Variants in ELP2 observed in about 807,000 individuals in gnomAD.
The protein encoded by ELP2 is elongator acetyltransferase complex subunit 2.
A neutral mutation model predicts 119.2 loss-of-function variants in ELP2; 90 were observed. The ratio of observed to expected loss-of-function variants is 0.75; its 90% confidence interval spans 0.64 to 0.90. ELP2 has a LOEUF of 0.90. Among genes scored for constraint, ELP2 ranks in the 40% least tolerant of loss-of-function variants. ELP2 has a pLI of 0.00. For missense variants in ELP2, 921 were observed against 967.8 expected (o/e 0.95, Z 0.64); for synonymous variants, 339 against 331.0 (o/e 1.02, Z -0.26).
chr18:36,133,143 A>G, intron 1 of ELP2, 95 bp from the exon 2 acceptor site: 1 of 834,680 alleles, frequency 1.2e-6, no homozygotes, highest in Non-Finnish European at 2.0e-6. Flanking sequence ...TGATCTTTTT[A>G]CTAGCATCGA....
In ELP2 at chr18:36,180,319, CAGG is replaced by C. The variant is rs1751324481; in HGVS notation, c.*5681_*5683del. 6.6e-6 allele frequency: 1 copy of C among 152,236 alleles called. No individual in the cohort carries two copies. The highest frequency in any genetic ancestry group is 1.5e-5 in the Non-Finnish European group (1 of 68,036). The allele number at this position is 152,236 out of a possible 1,614,324, so 9.4% of individuals were successfully genotyped here. A position where few individuals can be genotyped will look rare whatever the true frequency, so the allele number is the denominator to read the frequency against. Reference sequence around the variant, plus strand: ...TTAGTGTTGTGGCCATACCGAGCTTCAGGAGAAGCTGGGAAATTAAATCTTTAT... The same window carrying C: ...TTAGTGTTGTGGCCATACCGAGCTTCAGAAGCTGGGAAATTAAATCTTTAT... On this transcript the variant is annotated 3_prime_UTR_variant, in exon 22 of 22. Transcript: ENST00000358232.
intron 17 of ELP2, among the ~76,000 whole-genome samples, chr18:36,163,873 A>G (rs1490835091): frequency 6.6e-6 from 1 of 152,160 alleles, no homozygotes; most frequent in African/African-American, 2.4e-5. Context: ...GAAATTAGGA[A>G]GTATAGAGTT....
At position 36,180,107 on chromosome 18, in the gene ELP2, C is replaced by T. The variant is rs1305589225; in HGVS notation, c.*5466C>T. 2 of 152,258 alleles carry T rather than the reference C, an allele frequency of 1.3e-5. No homozygotes were observed. Among genetic ancestry groups the T allele is most frequent in the Non-Finnish European group, 2.9e-5 (2 of 68,056 alleles). 9.4% of individuals were successfully genotyped at this position (152,258 alleles called of 1,614,324 possible). A position where few individuals can be genotyped will look rare whatever the true frequency, so the allele number is the denominator to read the frequency against. ...GTCTACAGGGTCAAGGACCCAGGCT[C>T]TTATTTCGCTGTCTGACGTCCTTAG... On this transcript the variant is annotated 3_prime_UTR_variant, in exon 22 of 22. Coordinates refer to ENST00000358232, the MANE Select transcript of ELP2 (RefSeq NM_018255.4).
At chr18:36,138,607 A>T in intron 4 of ELP2, 181 bp downstream of exon 4, 1 of 875,446 alleles carries the variant, frequency 1.1e-6, no homozygotes, top group Non-Finnish European at 1.8e-6. Context: ...TTTTTCATGT[A>T]AGTCATTTTG....
At chr18:36,135,392 ATAGT>A (rs1478694058) in intron 2 of ELP2, among the ~76,000 whole-genome samples, 3 of 152,208 alleles carry the variant, frequency 2.0e-5, no homozygotes, top group Admixed American at 1.3e-4. Flanking sequence ...TTAAAATCAT[ATAGT>A]TAGTTAAGTG....
Position 36,177,826 on chromosome 18 carries a change from A to G in ELP2, c.*3185A>G, listed in dbSNP as rs190424844. On this transcript the variant is annotated 3_prime_UTR_variant, in exon 22 of 22. Transcript: ENST00000358232. ...AAGAGCATTTAACAAATTAATTTACACTGGGAATTTTCAGTGTGGAGGGTC... is the reference window on the plus strand; with the variant it reads ...AAGAGCATTTAACAAATTAATTTACGCTGGGAATTTTCAGTGTGGAGGGTC... 1.3e-5 allele frequency: 2 copies of G among 152,330 alleles called. No homozygotes were observed. The highest frequency in any genetic ancestry group is 4.8e-5 in the African/African-American group (2 of 41,566). 9.4% of individuals were successfully genotyped at this position (152,330 alleles called of 1,614,324 possible). A position where few individuals can be genotyped will look rare whatever the true frequency, so the allele number is the denominator to read the frequency against.
Position 36,130,061 on chromosome 18 carries a change from A to G in ELP2, c.128A>G (p.Tyr43Cys), listed in dbSNP as rs1043963940. ...AFGTSCSVVL[Y>C]DPLKRVVVTN... ...GGCACGTCCTGCTCCGTGGTGCTCT[A>G]TGACCCCCTGGTAAGAGAGGTCGCT... Residue 43 changes from tyrosine to cysteine, a missense_variant, in exon 1 of 22, where the codon TAT becomes TGT. Physicochemically the swap from Tyr to Cys is radical, Grantham distance 194. Transcript: ENST00000358232. The G allele has an allele frequency of 5.0e-6, 8 of 1,613,990 alleles. No individual in the cohort carries two copies. Among genetic ancestry groups the G allele is most frequent in the Admixed American group, 1.7e-5 (1 of 60,000 alleles).
chr18:36,154,547 T>C (rs189379965), intron 11 of ELP2, among the ~76,000 whole-genome samples: 1 of 152,390 alleles, frequency 6.6e-6, no homozygotes, highest in African/African-American at 2.4e-5. Context: ...GGTGCTGTTA[T>C]AACTGTTTTA....
chr18:36,145,147 G>A, intron 9 of ELP2, 113 bp downstream of exon 9: 3 of 828,068 alleles, frequency 3.6e-6, no homozygotes, highest in African/African-American at 3.3e-5. Flanking sequence ...TCAAATACAT[G>A]ACATTTTCAA....
rs1219409391 is a variant in ELP2 at position 36,159,848 on chromosome 18, C to T, written c.1630+18C>T. 6.2e-6 allele frequency: 10 copies of T among 1,610,402 alleles called. No homozygotes were observed. Among genetic ancestry groups the T allele is most frequent in the African/African-American group, 1.3e-5 (1 of 74,836 alleles). On this transcript the variant is annotated intron_variant, in intron 15 of 21. Coordinates refer to ENST00000358232, the MANE Select transcript of ELP2 (RefSeq NM_018255.4). ...ACTTACTGGTAAGATGTGACAAAGA[C>T]AATTTAATAAATCGCTAGAACACAC...
rs113602311 is a variant in ELP2, at chr18:36,139,592, C to T, written c.523+720C>T. The T allele has an allele frequency of 8.5e-5, 131 of 1,534,646 alleles. No homozygotes were observed. In the Admixed American group the frequency reaches 2.4e-3, roughly 29 times the overall value. ...CTGGCATCATAACAGAATTTCATTT[C>T]TTCCATCTGCATTCAGGCCAAGTGA... On this transcript the variant is annotated intron_variant, in intron 5 of 21. Coordinates refer to ENST00000358232, the MANE Select transcript of ELP2 (RefSeq NM_018255.4).
At chr18:36,164,285 T>G (rs545050971) in intron 17 of ELP2, among the ~76,000 whole-genome samples, 190 bp from the exon 18 acceptor site, 2 of 152,316 alleles carry the variant, frequency 1.3e-5, no homozygotes, top group East Asian at 3.9e-4. Flanking sequence ...TTGATTTTTT[T>G]TAATCCCAAT....
At chr18:36,139,526 A>C (rs997641362) in intron 5 of ELP2, 2 of 1,535,594 alleles carry the variant, frequency 1.3e-6, no homozygotes, top group Non-Finnish European at 1.7e-6. Flanking sequence ...TTACGCTTCC[A>C]TTCTGTGCAA....
At chr18:36,167,369 T>A in intron 19 of ELP2, 147 bp downstream of exon 19, 5 of 550,122 alleles carry the variant, frequency 9.1e-6, no homozygotes, top group Middle Eastern at 1.1e-3. Context: ...TATATGTACA[T>A]ATAAAAAAAG....
In ELP2 at chr18:36,175,852, A is replaced by G. The variant is rs527464436; in HGVS notation, c.*1211A>G. 1 of 151,898 alleles carries G rather than the reference A, an allele frequency of 6.6e-6. No individual in the cohort carries two copies. Among genetic ancestry groups the G allele is most frequent in the African/African-American group, 2.4e-5 (1 of 41,342 alleles). 9.4% of individuals were successfully genotyped at this position (151,898 alleles called of 1,614,324 possible). On this transcript the variant is annotated 3_prime_UTR_variant, in exon 22 of 22. Coordinates refer to ENST00000358232, the MANE Select transcript of ELP2 (RefSeq NM_018255.4). ...AATGCAGTGACAGCTGTATATAATA[A>G]ATGTGTTGAAAGGAGGAAGGTGAGG...
At chr18:36,164,232 A>G (rs1319298918) in intron 17 of ELP2, among the ~76,000 whole-genome samples, 3 of 152,110 alleles carry the variant, frequency 2.0e-5, no homozygotes, top group African/African-American at 4.8e-5. Flanking sequence ...AGTGAAAAGG[A>G]AAAAAAGAAA....
chr18:36,135,079 T>C (rs1189291383), intron 2 of ELP2, among the ~76,000 whole-genome samples: 1 of 152,210 alleles, frequency 6.6e-6, no homozygotes, highest in East Asian at 1.9e-4. Flanking sequence ...TAATAAAACA[T>C]AATTGCAATT....
intron 20 of ELP2, among the ~76,000 whole-genome samples, chr18:36,170,520 G>A (rs950645088): frequency 6.6e-6 from 1 of 151,992 alleles, no homozygotes; most frequent in Non-Finnish European, 1.5e-5. Flanking sequence ...CACCATGTTG[G>A]TCAGGCAGGT....
chr18:36,166,827 G>A (rs1223254619), intron 18 of ELP2: 4 of 243,262 alleles, frequency 1.6e-5, no homozygotes, highest in Non-Finnish European at 2.3e-5. Context: ...TTCTGTAGGC[G>A]TGAGTTGAAC....
Sources: allele counts gnomAD v4.1 joint callset (sites outside exome capture counted in the v4.1 genomes callset), GRCh38; gene constraint gnomAD v4.1.1; transcripts MANE v1.5; gene names NCBI Gene and HGNC (gene_info 2026-07-23, HGNC 2026-07-21).